The following TTC3 variants were observed in gnomAD, a reference collection of about 807,000 sequenced individuals.
TTC3 encodes tetratricopeptide repeat domain 3.
Under a neutral mutation model 249.6 loss-of-function variants are expected in TTC3, and 180 were observed. The ratio of observed to expected loss-of-function variants is 0.72; its 90% CI spans 0.64 to 0.82. The LOEUF is 0.82. Among genes scored for constraint, TTC3 ranks in the 40% least tolerant of loss-of-function variants. TTC3 has a pLI of 0.00. For synonymous variants in TTC3, 717 were observed against 805.0 expected (o/e 0.89, Z 1.85); for missense variants, 2,061 against 2,398.4 (o/e 0.86, Z 2.94).
chr21:37,090,310 G>A (rs1269224900), intron 6 of TTC3, 24 bp downstream of exon 6: 5 of 1,595,250 alleles, frequency 3.1e-6, no homozygotes, highest in African/African-American at 2.7e-5. Flanking sequence ...ACTGAAACTG[G>A]CACAGCCACT....
rs960431255 is a variant in TTC3 at position 37,201,298 on chromosome 21, G to A, written c.5944-142G>A. On this transcript the variant is annotated intron_variant, in intron 45 of 45. Transcript: ENST00000355666. ...CACACTCTGGCCTGAGCGGGTGTTG[G>A]TGTCCCTGAGTATTGGGCAGCTCCA... 2.6e-5 allele frequency: 26 copies of A among 1,004,310 alleles called. No homozygotes were observed. The African/African-American group carries it at 3.4e-4, about 13-fold the overall frequency. 62.2% of individuals were successfully genotyped at this position (1,004,310 alleles called of 1,614,324 possible). A position where few individuals can be genotyped will look rare whatever the true frequency, so the allele number is the denominator to read the frequency against.
chr21:37,103,305 G>A (rs924353857), intron 10 of TTC3, among the ~76,000 whole-genome samples: 2 of 152,198 alleles, frequency 1.3e-5, no homozygotes, highest in African/African-American at 4.8e-5. Flanking sequence ...ACCTGGACTA[G>A]AACTCTCTTT....
chr21:37,162,949 G>A (rs965278655), intron 31 of TTC3, among the ~76,000 whole-genome samples: 7 of 152,068 alleles, frequency 4.6e-5, no homozygotes, highest in African/African-American at 1.7e-4. Context: ...TCTTTTATAA[G>A]GGCAATAAGT....
At chr21:37,113,359 A>G (rs996080420) in intron 11 of TTC3, among the ~76,000 whole-genome samples, 6 of 152,236 alleles carry the variant, frequency 3.9e-5, no homozygotes, top group Admixed American at 6.5e-5. Context: ...TACAAAATCA[A>G]TGTGCAAAAA....
exon 7 of TTC3, chr21:37,091,385 G>T: frequency 1.2e-6 from 2 of 1,610,224 alleles, no homozygotes; most frequent in South Asian, 2.2e-5. Context: ...ACAATTGTTG[G>T]CCTATGTTAA....
At chr21:37,121,739 C>A in intron 11 of TTC3, 78 bp from the exon 12 acceptor site, 1 of 1,344,316 alleles carries the variant, frequency 7.4e-7, no homozygotes, top group Non-Finnish European at 9.9e-7. Flanking sequence ...AGTTTTCAAG[C>A]AAAACATTTT....
intron 18 of TTC3, among the ~76,000 whole-genome samples, chr21:37,137,425 A>T (rs1229762381): frequency 6.6e-6 from 1 of 152,166 alleles, no homozygotes; most frequent in Non-Finnish European, 1.5e-5. Flanking sequence ...GCCCTCATGG[A>T]TGACTTTGAG....
chr21:37,166,969 C>G (rs1053296974), intron 33 of TTC3, among the ~76,000 whole-genome samples: 1 of 151,996 alleles, frequency 6.6e-6, no homozygotes, highest in Admixed American at 6.6e-5. Context: ...GGAAGTGTAG[C>G]CTGCATCACA....
In TTC3 at chr21:37,088,782, A is replaced by G. The variant is rs2072864153; in HGVS notation, c.339-17A>G. On this transcript the variant is annotated splice_polypyrimidine_tract_variant and intron_variant, in intron 4 of 45. Coordinates refer to ENST00000355666, the Ensembl canonical transcript of TTC3. ...ATATGAGAATCTAATCTTTTAAAAA[A>G]TAAATTTGTCTTTAAGCAATTCACG... 6.2e-7 allele frequency: 1 copy of G among 1,602,932 alleles called. No homozygotes were observed.
intron 1 of TTC3, among the ~76,000 whole-genome samples, chr21:37,081,327 A>G (rs760616767): frequency 1.4e-4 from 21 of 152,068 alleles, no homozygotes; most frequent in Non-Finnish European, 2.9e-4. Flanking sequence ...CATGTTGGCC[A>G]GGATGGTCTT....
chr21:37,108,238 C>T, intron 10 of TTC3, 154 bp from the exon 11 acceptor site: 1 of 572,700 alleles, frequency 1.7e-6, no homozygotes, highest in Non-Finnish European at 2.8e-6. Context: ...TCCAAATTTC[C>T]TATAATGGAC....
exon 42 of TTC3, chr21:37,195,883 G>T: frequency 6.2e-7 from 1 of 1,614,244 alleles, no homozygotes; most frequent in Admixed American, 1.7e-5. Flanking sequence ...GGGCCAAAAC[G>T]GGCTGGCCAG....
chr21:37,115,984 A>G (rs2076109802), intron 11 of TTC3, among the ~76,000 whole-genome samples: 1 of 152,148 alleles, frequency 6.6e-6, no homozygotes, highest in African/African-American at 2.4e-5. Flanking sequence ...TTTTCTTCTT[A>G]GGACTTACCA....
intron 35 of TTC3, among the ~76,000 whole-genome samples, chr21:37,175,514 T>C (rs1035058720): frequency 6.7e-6 from 1 of 148,716 alleles, no homozygotes; most frequent in African/African-American, 2.5e-5. Flanking sequence ...GGAGAATCAG[T>C]TGAACCCAGG....
chr21:37,088,276 T>A (rs747122515), exon 4 of TTC3: 74 of 1,613,584 alleles, frequency 4.6e-5, no homozygotes, highest in Non-Finnish European at 6.0e-5. Flanking sequence ...AATAAACATC[T>A]TCTGGCCACT....
chr21:37,190,475 C>T (rs2083936886), intron 39 of TTC3, among the ~76,000 whole-genome samples: 1 of 151,932 alleles, frequency 6.6e-6, no homozygotes, highest in South Asian at 2.1e-4. Flanking sequence ...CATGAGAAAA[C>T]TTTTCTGATT....
intron 20 of TTC3, among the ~76,000 whole-genome samples, chr21:37,141,416 C>G (rs2078440777): frequency 6.8e-6 from 1 of 147,778 alleles, no homozygotes; most frequent in Admixed American, 6.6e-5. Flanking sequence ...GGGGAATCCC[C>G]CCCCCAGCCA....
At chr21:37,160,218 A>G (rs1382678455) in intron 29 of TTC3, among the ~76,000 whole-genome samples, 1 of 152,212 alleles carries the variant, frequency 6.6e-6, no homozygotes, top group Non-Finnish European at 1.5e-5. Flanking sequence ...TCTTCAGTTT[A>G]GGAAAGTGAG....
At chr21:37,140,584 G>C in exon 20 of TTC3, 1 of 1,595,668 alleles carries the variant, frequency 6.3e-7, no homozygotes, top group Non-Finnish European at 8.5e-7. Flanking sequence ...CCGAAAACCA[G>C]TTTAAGAGGA....
Sources: gnomAD v4.1 joint callset for allele counts (sites outside exome capture counted in the v4.1 genomes callset) on GRCh38, gnomAD v4.1.1 for gene constraint, MANE v1.5 for transcripts, NCBI Gene and HGNC (gene_info 2026-07-23, HGNC 2026-07-21) for gene names.